CRACR2A: variants seen among roughly 807,000 people sequenced by gnomAD.
CRACR2A encodes calcium release activated channel regulator 2A.
CRACR2A carries 79 observed loss-of-function variants against 90.5 expected under a neutral mutation model. That is an observed-to-expected ratio of 0.87 (90% CI 0.73 to 1.05). The LOEUF is 1.05. Among genes scored for constraint, CRACR2A ranks in the 50% least tolerant of loss-of-function variants. CRACR2A has a pLI of 0.00. For synonymous variants in CRACR2A, 338 were observed against 356.7 expected, an observed-to-expected ratio of 0.95 and a Z score of 0.59; for missense variants, 823 against 897.2, an observed-to-expected ratio of 0.92 and a Z score of 1.06.
chr12:3,665,657 T>G (rs1401904925), intron 7 of CRACR2A, among the ~76,000 whole-genome samples: 1 of 152,080 alleles, frequency 6.6e-6, no homozygotes, highest in East Asian at 1.9e-4. Context: ...AAGGGTCAAG[T>G]AGAAACTGGG....
intron 4 of CRACR2A, among the ~76,000 whole-genome samples, chr12:3,681,117 C>T (rs1404263869): frequency 6.6e-6 from 1 of 152,176 alleles, no homozygotes; most frequent in Non-Finnish European, 1.5e-5. Context: ...ATTGCCTCAG[C>T]ACTGCATTTG....
At chr12:3,696,616 G>A (rs928183152) in intron 4 of CRACR2A, among the ~76,000 whole-genome samples, 156 bp downstream of exon 4, 4 of 152,144 alleles carry the variant, frequency 2.6e-5, no homozygotes, top group African/African-American at 4.8e-5. Flanking sequence ...CAGGAGGTCC[G>A]GCTCCTAGTA....
intron 14 of CRACR2A, among the ~76,000 whole-genome samples, chr12:3,637,179 GA>G (rs1213926639): frequency 2.0e-5 from 3 of 152,236 alleles, no homozygotes; most frequent in African/African-American, 7.2e-5. Flanking sequence ...AGCAGGCAGG[GA>G]ATGTCGGGAT....
intron 3 of CRACR2A, among the ~76,000 whole-genome samples, chr12:3,698,028 G>A (rs1399740995): frequency 6.6e-6 from 1 of 152,172 alleles, no homozygotes; most frequent in Non-Finnish European, 1.5e-5. Flanking sequence ...TCTGTATGAG[G>A]AGAACACTGG....
intron 4 of CRACR2A, among the ~76,000 whole-genome samples, chr12:3,690,191 C>T (rs1055218586): frequency 2.6e-5 from 4 of 151,794 alleles, no homozygotes; most frequent in African/African-American, 9.7e-5. Flanking sequence ...TATTTCTTGT[C>T]TTCTGCCAGC....
At chr12:3,702,602 C>T (rs1048825486) in intron 3 of CRACR2A, among the ~76,000 whole-genome samples, 1 of 152,090 alleles carries the variant, frequency 6.6e-6, no homozygotes, top group Non-Finnish European at 1.5e-5. Context: ...AATACTTATA[C>T]ACTGAAAGCT....
At chr12:3,640,696 T>C in intron 13 of CRACR2A, 2 of 1,305,394 alleles carry the variant, frequency 1.5e-6, no homozygotes, top group South Asian at 2.5e-5. Flanking sequence ...TTTGCATATC[T>C]TTTTCATTTC....
chr12:3,692,351 T>C (rs1945662082), intron 4 of CRACR2A, among the ~76,000 whole-genome samples: 1 of 152,098 alleles, frequency 6.6e-6, no homozygotes, highest in African/African-American at 2.4e-5. Context: ...GGTTTGATTG[T>C]GGTATGAGGT....
At chr12:3,697,723 G>A (rs1289992017) in intron 3 of CRACR2A, among the ~76,000 whole-genome samples, 2 of 152,204 alleles carry the variant, frequency 1.3e-5, no homozygotes, top group South Asian at 4.1e-4. Flanking sequence ...CTCGGCCACA[G>A]CTGTGAGCTC....
At chr12:3,616,861 G>T in intron 19 of CRACR2A, 93 bp downstream of exon 19, 1 of 983,462 alleles carries the variant, frequency 1.0e-6, no homozygotes, top group East Asian at 2.6e-5. Context: ...GGGGTCAGAG[G>T]TGTGGCCTGG....
At chr12:3,722,021 C>A (rs1335518841) in intron 2 of CRACR2A, among the ~76,000 whole-genome samples, 1 of 152,106 alleles carries the variant, frequency 6.6e-6, no homozygotes, top group Non-Finnish European at 1.5e-5. Flanking sequence ...GTTTCAATGG[C>A]CTTTTGTGAT....
intron 17 of CRACR2A, among the ~76,000 whole-genome samples, chr12:3,623,846 T>C (rs991759194): frequency 5.3e-5 from 8 of 152,320 alleles, no homozygotes; most frequent in African/African-American, 1.4e-4. Flanking sequence ...GCAGTGCTGG[T>C]GCTCTCTTGC....
At chr12:3,702,506 AC>A (rs202156911) in intron 3 of CRACR2A, among the ~76,000 whole-genome samples, 1 of 144,170 alleles carries the variant, frequency 6.9e-6, no homozygotes, top group Non-Finnish European at 1.6e-5. Context: ...ATCTATACTA[AC>A]AAAAAAAAAT....
chr12:3,676,243 G>C (rs1452320326), intron 6 of CRACR2A, among the ~76,000 whole-genome samples: 1 of 152,156 alleles, frequency 6.6e-6, no homozygotes, highest in Non-Finnish European at 1.5e-5. Context: ...GAACCTCTCT[G>C]TTTCTCAGAA....
At chr12:3,708,096 T>G (rs149909984) in intron 3 of CRACR2A, among the ~76,000 whole-genome samples, 92 of 152,284 alleles carry the variant, frequency 6.0e-4, no homozygotes, top group South Asian at 1.2e-3. Context: ...TGCTTTCGCT[T>G]CTATCTTTCT....
intron 2 of CRACR2A, chr12:3,726,396 A>G (rs181400795): frequency 2.0e-5 from 3 of 152,314 alleles, no homozygotes; most frequent in Admixed American, 2.0e-4. Flanking sequence ...CTGCACTGGA[A>G]CACATAATGA....
intron 17 of CRACR2A, among the ~76,000 whole-genome samples, chr12:3,622,063 G>A (rs1944154158): frequency 1.3e-5 from 2 of 152,100 alleles, no homozygotes; most frequent in Admixed American, 1.3e-4. Context: ...GGAACTATCT[G>A]TCTAAACTTT....
At chr12:3,616,264 ATGAG>A (rs1320900495) in intron 19 of CRACR2A, among the ~76,000 whole-genome samples, 1 of 152,268 alleles carries the variant, frequency 6.6e-6, no homozygotes, top group Non-Finnish European at 1.5e-5. Context: ...GTGCCCCAGA[ATGAG>A]TGCTGAGCAC....
intron 2 of CRACR2A, among the ~76,000 whole-genome samples, chr12:3,716,062 T>C (rs1946077938): frequency 6.6e-6 from 1 of 151,932 alleles, no homozygotes. Context: ...TCCCAGGCTT[T>C]TTTTTTTTTT....
Sources: allele counts gnomAD v4.1 joint callset (sites outside exome capture counted in the v4.1 genomes callset), GRCh38; gene constraint gnomAD v4.1.1; transcripts MANE v1.5; gene names NCBI Gene and HGNC (gene_info 2026-07-23, HGNC 2026-07-21).